The following LAMA2 variants were observed in gnomAD, a reference collection of about 807,000 sequenced individuals.
LAMA2 encodes laminin subunit alpha 2, also known as laminin subunit alpha-2.
LAMA2 carries 269 observed loss-of-function variants against 364.8 expected under a neutral mutation model. The ratio of observed to expected loss-of-function variants is 0.74; its 90% CI spans 0.67 to 0.82. The LOEUF (loss-of-function observed/expected upper bound fraction) is 0.82. Among genes scored for constraint, LAMA2 ranks in the 40% least tolerant of loss-of-function variants. The probability of loss-of-function intolerance (pLI) is 0.00; values close to 1 mark genes in which losing one functional copy is unlikely to be tolerated. For synonymous variants in LAMA2, 1,379 were observed against 1,370.6 expected, an observed-to-expected ratio of 1.01 and a Z score of -0.14; for missense variants, 3,807 against 3,873.2, an observed-to-expected ratio of 0.98 and a Z score of 0.45.
chr6:129,472,098 T>G (rs1783841223), intron 51 of LAMA2, among the ~76,000 whole-genome samples: 1 of 151,984 alleles, frequency 6.6e-6, no homozygotes, highest in Non-Finnish European at 1.5e-5. Context: ...CATTGCATAT[T>G]AGCATGCTGA....
At chr6:129,213,686 T>C (rs1426036081) in intron 12 of LAMA2, among the ~76,000 whole-genome samples, 1 of 152,216 alleles carries the variant, frequency 6.6e-6, no homozygotes, top group African/African-American at 2.4e-5. Context: ...TGCTGAGGTA[T>C]CTGTTTAGAT....
intron 1 of LAMA2, among the ~76,000 whole-genome samples, chr6:128,905,902 G>A (rs1440861083): frequency 6.6e-6 from 1 of 151,420 alleles, no homozygotes; most frequent in Non-Finnish European, 1.5e-5. Context: ...TTTTATTCTT[G>A]TGATAGTTTG....
At chr6:128,897,057 T>A (rs1204885998) in intron 1 of LAMA2, among the ~76,000 whole-genome samples, 1 of 152,220 alleles carries the variant, frequency 6.6e-6, no homozygotes, top group African/African-American at 2.4e-5. Flanking sequence ...TAAGTAACTT[T>A]CCAAAAGTAA....
intron 9 of LAMA2, among the ~76,000 whole-genome samples, 184 bp downstream of exon 9, chr6:129,165,859 A>G (rs1779715138): frequency 6.6e-6 from 1 of 152,190 alleles, no homozygotes; most frequent in African/African-American, 2.4e-5. Flanking sequence ...AATTACTTTC[A>G]TGTTTAATTA....
At chr6:129,490,499 A>C (rs1484251254) in intron 56 of LAMA2, among the ~76,000 whole-genome samples, 2 of 152,224 alleles carry the variant, frequency 1.3e-5, no homozygotes, top group Non-Finnish European at 2.9e-5. Flanking sequence ...GCTTTTTAAA[A>C]TTCTAATCAA....
At chr6:129,235,751 G>A (rs189812673) in intron 12 of LAMA2, among the ~76,000 whole-genome samples, 1 of 152,222 alleles carries the variant, frequency 6.6e-6, no homozygotes, top group African/African-American at 2.4e-5. Flanking sequence ...CATAAAAAAT[G>A]CTCAGCTTTA....
At chr6:129,077,216 A>G (rs965629090) in intron 3 of LAMA2, among the ~76,000 whole-genome samples, 9 of 152,118 alleles carry the variant, frequency 5.9e-5, no homozygotes, top group African/African-American at 1.7e-4. Context: ...ATTCATCTCA[A>G]ATGATAAGAT....
intron 1 of LAMA2, among the ~76,000 whole-genome samples, chr6:128,930,790 T>C (rs1779424450): frequency 6.6e-6 from 1 of 152,230 alleles, no homozygotes; most frequent in African/African-American, 2.4e-5. Flanking sequence ...TATAAATTCC[T>C]TATGAAAATC....
chr6:129,286,078 T>C (rs1437542592), intron 18 of LAMA2, among the ~76,000 whole-genome samples: 1 of 152,136 alleles, frequency 6.6e-6, no homozygotes, highest in East Asian at 1.9e-4. Flanking sequence ...CTCAATATAA[T>C]GTACTGGATT....
At chr6:129,514,057 C>A (rs1786820664) in intron 63 of LAMA2, among the ~76,000 whole-genome samples, 1 of 152,036 alleles carries the variant, frequency 6.6e-6, no homozygotes, top group Non-Finnish European at 1.5e-5. Context: ...AGAATTTTTC[C>A]CTGTGTACAC....
At chr6:129,347,563 G>A (rs1216882528) in intron 30 of LAMA2, among the ~76,000 whole-genome samples, 2 of 152,190 alleles carry the variant, frequency 1.3e-5, no homozygotes, top group African/African-American at 4.8e-5. Context: ...TCTCTGCAGT[G>A]TCCATAGGAG....
intron 1 of LAMA2, among the ~76,000 whole-genome samples, chr6:128,949,384 G>GT (rs1251180902): frequency 1.3e-5 from 2 of 152,148 alleles, no homozygotes; most frequent in South Asian, 4.1e-4. Context: ...CTTTAGTGAG[G>GT]TGGAAGGAAG....
intron 3 of LAMA2, among the ~76,000 whole-genome samples, chr6:129,087,998 A>C (rs558512468): frequency 1.8e-4 from 25 of 137,562 alleles, no homozygotes; most frequent in Admixed American, 1.1e-3. Context: ...GCAGATAAAC[A>C]AGTGAACAAA....
chr6:129,266,984 A>G lies in LAMA2; in HGVS notation c.2209-122A>G, dbSNP rs1787563326. On this transcript the variant is annotated intron_variant, in intron 15 of 64. Transcript: ENST00000421865. ...ATGTTTCAATAATGGCAATGCTTTG[A>G]CAAGCACATTTGATGAGTTTCCTAC... is the stretch of plus-strand genomic sequence containing the variant. The G allele has an allele frequency of 5.2e-6, 4 of 768,194 alleles. No homozygotes were observed. The East Asian group carries it at 7.4e-5, about 14-fold the overall frequency. 47.6% of individuals were successfully genotyped at this position (768,194 alleles called of 1,614,324 possible). A position where few individuals can be genotyped will look rare whatever the true frequency, so the allele number is the denominator to read the frequency against.
chr6:129,366,844 A>G (rs1777805964), intron 33 of LAMA2, among the ~76,000 whole-genome samples: 1 of 152,132 alleles, frequency 6.6e-6, no homozygotes, highest in African/African-American at 2.4e-5. Context: ...CTACCTTACC[A>G]CATTTGAACC....
Position 129,147,042 on chromosome 6 carries a change from G to A in LAMA2, c.903G>A (p.Ala301=), listed in dbSNP as rs148655840. The A allele has an allele frequency of 8.0e-5, 127 of 1,596,548 alleles. No homozygotes were observed. The African/African-American group carries it at 8.7e-4, about 11-fold the overall frequency. ...GHARACPLDP[A]TNKSRCECEH... is the part of the protein sequence containing the mutation. ...CCAGGGCTTGTCCACTTGATCCAGCGACAAATGTATGTATATTTATAGGAT... is the reference window on the plus strand; with the variant it reads ...CCAGGGCTTGTCCACTTGATCCAGCAACAAATGTATGTATATTTATAGGAT... The change falls in exon 6 of 65, where the codon GCG becomes GCA. Residue 301 remains alanine (A), a synonymous_variant. Transcript: ENST00000421865.
At chr6:129,438,114 A>G (rs573588674) in intron 41 of LAMA2, among the ~76,000 whole-genome samples, 235 of 151,852 alleles carry the variant, frequency 1.5e-3, no homozygotes, top group Non-Finnish European at 2.8e-3. Context: ...GAGAAAAATG[A>G]CTATTATCAG....
chr6:129,243,054 C>A (rs1265838367), intron 12 of LAMA2, among the ~76,000 whole-genome samples: 1 of 152,006 alleles, frequency 6.6e-6, no homozygotes, highest in Non-Finnish European at 1.5e-5. Flanking sequence ...AAAAGCTAAT[C>A]CATTTGTTTT....
At chr6:129,339,784 C>A (rs2114561723) in intron 29 of LAMA2, among the ~76,000 whole-genome samples, 1 of 152,222 alleles carries the variant, frequency 6.6e-6, no homozygotes, top group Non-Finnish European at 1.5e-5. Context: ...GCAGGCAGAT[C>A]ACGGGGTCAA....
Sources: allele counts gnomAD v4.1 joint callset (sites outside exome capture counted in the v4.1 genomes callset), GRCh38; gene constraint gnomAD v4.1.1; transcripts MANE v1.5; gene names NCBI Gene and HGNC (gene_info 2026-07-23, HGNC 2026-07-21).